Variants in GRM8 observed in about 807,000 individuals in gnomAD.
GRM8 encodes the protein metabotropic glutamate receptor 8.
A neutral mutation model predicts 87.2 loss-of-function variants in GRM8; 47 were observed. The ratio of observed to expected loss-of-function variants is 0.54; its 90% CI spans 0.43 to 0.69. The LOEUF (loss-of-function observed/expected upper bound fraction) is 0.69, where lower values mean the gene tolerates loss of function less well. Ranked by LOEUF, GRM8 falls within the 30% of genes least tolerant of loss-of-function variation. The probability of loss-of-function intolerance (pLI) is 0.00; values close to 1 mark genes in which losing one functional copy is unlikely to be tolerated. For missense variants in GRM8, 1,019 were observed against 1,139.2 expected (o/e 0.89, Z 1.52); for synonymous variants, 396 against 404.5 (o/e 0.98, Z 0.25).
intron 7 of GRM8, among the ~76,000 whole-genome samples, chr7:126,740,974 T>C (rs1814902300): frequency 6.6e-6 from 1 of 152,094 alleles, no homozygotes; most frequent in Non-Finnish European, 1.5e-5. Flanking sequence ...AATGAGAAGT[T>C]GAAAGTGGGG....
Position 127,205,162 on chromosome 7 carries a change from G to A in GRM8, c.510+37533C>T, listed in dbSNP as rs191550815. Among the ~76,000 whole-genome samples the A allele has an allele frequency of 1.7e-4, 26 of 152,274 alleles. No individual in the cohort carries two copies. In the South Asian group the frequency reaches 3.7e-3, roughly 22 times the overall value. On this transcript the variant is annotated intron_variant, in intron 2 of 10. Coordinates refer to ENST00000339582, the MANE Select transcript of GRM8 (RefSeq NM_000845.3). ...AGTTTCTTTTTCAGTGAGAACAGAC[G>A]CGCCACTGCTACAGCTGGCCCTGTA...
intron 2 of GRM8, among the ~76,000 whole-genome samples, chr7:127,163,484 C>T (rs1434944693): frequency 6.6e-6 from 1 of 152,170 alleles, no homozygotes; most frequent in Non-Finnish European, 1.5e-5. Context: ...GTAGGGGGTT[C>T]CCCCTGTAAC....
intron 9 of GRM8, among the ~76,000 whole-genome samples, chr7:126,493,038 A>G (rs1808228599): frequency 6.6e-6 from 1 of 151,984 alleles, no homozygotes; most frequent in African/African-American, 2.4e-5. Flanking sequence ...TAAAGTTGAG[A>G]ATTTTTGTTT....
intron 3 of GRM8, among the ~76,000 whole-genome samples, chr7:127,103,799 G>T (rs902602930): frequency 6.6e-6 from 1 of 152,006 alleles, no homozygotes; most frequent in African/African-American, 2.4e-5. Flanking sequence ...AGATGCCTTG[G>T]GATGACACTA....
intron 9 of GRM8, among the ~76,000 whole-genome samples, chr7:126,492,111 C>T (rs931983287): frequency 6.6e-6 from 1 of 151,976 alleles, no homozygotes; most frequent in South Asian, 2.1e-4. Flanking sequence ...GGCTGGAGTA[C>T]GGTGGTGCGA....
intron 9 of GRM8, among the ~76,000 whole-genome samples, chr7:126,486,193 A>G (rs1393407629): frequency 1.3e-5 from 2 of 152,030 alleles, no homozygotes. Flanking sequence ...GTAAGAGACC[A>G]CCAACCACTG....
chr7:127,100,128 T>G (rs918455155), intron 3 of GRM8, among the ~76,000 whole-genome samples: 1 of 152,172 alleles, frequency 6.6e-6, no homozygotes, highest in Non-Finnish European at 1.5e-5. Context: ...TTTTTATTTC[T>G]AGTCTCCAGA....
At chr7:126,813,772 A>G (rs533883662) in intron 6 of GRM8, among the ~76,000 whole-genome samples, 1 of 152,232 alleles carries the variant, frequency 6.6e-6, no homozygotes, top group East Asian at 1.9e-4. Context: ...GAAAAGCTAC[A>G]GCCTTCACAA....
intron 3 of GRM8, among the ~76,000 whole-genome samples, chr7:127,029,132 G>A (rs568030708): frequency 6.6e-6 from 1 of 152,268 alleles, no homozygotes; most frequent in East Asian, 1.9e-4. Flanking sequence ...CAGTTTCCAT[G>A]TATCTGTGTG....
intron 6 of GRM8, among the ~76,000 whole-genome samples, chr7:126,812,706 C>T (rs1470024018): frequency 6.6e-6 from 1 of 152,014 alleles, no homozygotes; most frequent in African/African-American, 2.4e-5. Context: ...ACTCTATACT[C>T]CTCCAACTGA....
chr7:126,998,245 T>C (rs1361327835), intron 3 of GRM8, among the ~76,000 whole-genome samples: 2 of 151,826 alleles, frequency 1.3e-5, no homozygotes, highest in Admixed American at 6.6e-5. Flanking sequence ...AAGAACTGTA[T>C]ATAGAAAGAA....
At chr7:127,008,361 C>G (rs912142241) in intron 3 of GRM8, among the ~76,000 whole-genome samples, 1 of 152,006 alleles carries the variant, frequency 6.6e-6, no homozygotes, top group Admixed American at 6.6e-5. Flanking sequence ...CTTAGAAACA[C>G]TTGGATATAA....
At chr7:126,611,984 T>C (rs1330579491) in intron 7 of GRM8, among the ~76,000 whole-genome samples, 2 of 152,184 alleles carry the variant, frequency 1.3e-5, no homozygotes, top group Non-Finnish European at 2.9e-5. Flanking sequence ...TAAGTGTGGG[T>C]TCTGGAGACA....
chr7:126,756,599 C>A (rs1388836000), intron 7 of GRM8, among the ~76,000 whole-genome samples: 1 of 151,888 alleles, frequency 6.6e-6, no homozygotes, highest in African/African-American at 2.4e-5. Context: ...AACTATCAGG[C>A]CATAAAAAGA....
intron 6 of GRM8, among the ~76,000 whole-genome samples, chr7:126,865,422 T>C (rs1227547228): frequency 6.6e-6 from 1 of 152,242 alleles, no homozygotes; most frequent in Non-Finnish European, 1.5e-5. Flanking sequence ...TATAGAGATA[T>C]ACTTCACATG....
At chr7:126,706,452 A>G (rs1408728411) in intron 7 of GRM8, among the ~76,000 whole-genome samples, 1 of 152,052 alleles carries the variant, frequency 6.6e-6, no homozygotes, top group Non-Finnish European at 1.5e-5. Flanking sequence ...TCCCAGTTTG[A>G]AGTCAGTAAG....
intron 7 of GRM8, among the ~76,000 whole-genome samples, chr7:126,634,659 T>C (rs1389450057): frequency 7.1e-6 from 1 of 141,310 alleles, no homozygotes; most frequent in African/African-American, 2.5e-5. Context: ...CCCCTGGCCT[T>C]CCTGCCTTCC....
chr7:126,844,746 T>G (rs1023156678), intron 6 of GRM8, among the ~76,000 whole-genome samples: 6 of 152,200 alleles, frequency 3.9e-5, no homozygotes, highest in African/African-American at 9.6e-5. Flanking sequence ...TGTGCTCACA[T>G]GGCATTTCCT....
At position 126,585,992 on chromosome 7, in the gene GRM8, A is replaced by G. The variant is rs140960863; in HGVS notation, c.1494+23370T>C. On this transcript the variant is annotated intron_variant, in intron 8 of 10. Coordinates refer to ENST00000339582, the MANE Select transcript of GRM8 (RefSeq NM_000845.3). ...AGCAACCTCAGCAAAGTCTCAGGAT[A>G]CAAAATCAATGTGCAAAAATCACAA... is the stretch of plus-strand genomic sequence containing the variant. Among the ~76,000 whole-genome samples, 1,206 of 152,292 alleles carry G rather than the reference A, an allele frequency of 7.9e-3. 11 individuals are homozygous for G. The highest frequency in any genetic ancestry group is 0.031 in the Middle Eastern group (9 of 294).
Sources: allele counts gnomAD v4.1 joint callset (sites outside exome capture counted in the v4.1 genomes callset), GRCh38; gene constraint gnomAD v4.1.1; transcripts MANE v1.5; gene names NCBI Gene and HGNC (gene_info 2026-07-23, HGNC 2026-07-21).